MGLL: variants seen among roughly 807,000 people sequenced by gnomAD.
The protein encoded by MGLL is lysophospholipase homolog.
Under a neutral mutation model 29.1 loss-of-function variants are expected in MGLL, and 7 were observed. The ratio of observed to expected loss-of-function variants is 0.24; its 90% CI spans 0.14 to 0.45. The LOEUF (loss-of-function observed/expected upper bound fraction) is 0.45. MGLL is among the 20% of genes least tolerant of loss of function. The probability of loss-of-function intolerance (pLI) is 0.99; values close to 1 mark genes in which losing one functional copy is unlikely to be tolerated. For missense variants in MGLL, 356 were observed against 413.6 expected, an observed-to-expected ratio of 0.86 and a Z score of 1.21; for synonymous variants, 148 against 168.3, an observed-to-expected ratio of 0.88 and a Z score of 0.93.
intron 3 of MGLL, among the ~76,000 whole-genome samples, chr3:127,744,163 C>T (rs974365177): frequency 1.3e-5 from 2 of 152,044 alleles, no homozygotes; most frequent in Non-Finnish European, 2.9e-5. Context: ...ATAATGTAAC[C>T]AACTAAAAGG....
chr3:127,739,249 T>C (rs1329707775), intron 3 of MGLL, among the ~76,000 whole-genome samples: 1 of 152,154 alleles, frequency 6.6e-6, no homozygotes, highest in African/African-American at 2.4e-5. Flanking sequence ...TTCAACTTCT[T>C]TGAGGCTCAG....
chr3:127,790,300 G>A (rs2077278630), intron 2 of MGLL, among the ~76,000 whole-genome samples: 1 of 152,218 alleles, frequency 6.6e-6, no homozygotes. Context: ...CAACCCACAT[G>A]AGCTAACATT....
At chr3:127,704,057 T>G (rs2075550668) in intron 6 of MGLL, among the ~76,000 whole-genome samples, 1 of 152,150 alleles carries the variant, frequency 6.6e-6, no homozygotes, top group Non-Finnish European at 1.5e-5. Context: ...AGAATGGAGA[T>G]CTCAGAAATA....
intron 5 of MGLL, 126 bp downstream of exon 5, chr3:127,720,927 C>T (rs2075906045): frequency 1.2e-6 from 1 of 812,606 alleles, no homozygotes; most frequent in Non-Finnish European, 2.1e-6. Context: ...TTGTCCAACC[C>T]CTCACGCAAT....
chr3:127,728,391 A>G (rs930756054), intron 3 of MGLL, among the ~76,000 whole-genome samples: 1 of 152,012 alleles, frequency 6.6e-6, no homozygotes, highest in African/African-American at 2.4e-5. Context: ...TTATCCATCC[A>G]CCCATCTATT....
intron 3 of MGLL, among the ~76,000 whole-genome samples, chr3:127,746,266 CA>C (rs1322530468): frequency 4.6e-5 from 7 of 152,276 alleles, no homozygotes; most frequent in Non-Finnish European, 8.8e-5. Flanking sequence ...TCTAACATGG[CA>C]GCTCTGCACA....
intron 3 of MGLL, among the ~76,000 whole-genome samples, chr3:127,773,744 T>C (rs1332415942): frequency 6.6e-6 from 1 of 152,176 alleles, no homozygotes; most frequent in African/African-American, 2.4e-5. Context: ...GAGATGTCGT[T>C]ACAAGGAGAC....
intron 2 of MGLL, among the ~76,000 whole-genome samples, chr3:127,787,049 A>C (rs890554931): frequency 2.0e-5 from 3 of 152,178 alleles, no homozygotes; most frequent in African/African-American, 7.2e-5. Flanking sequence ...TGTGTGTGCA[A>C]GTGCACTGAG....
At position 127,788,615 on chromosome 3, in the gene MGLL, C is replaced by G. The variant is rs141411703; in HGVS notation, c.156-6720G>C. On this transcript the variant is annotated intron_variant, in intron 2 of 7. Transcript: ENST00000265052. The stretch of plus-strand genomic sequence containing the variant: ...AAAGACGTGTGGTTCCTCCACACCC[C>G]CTCTGTCTATGACCCCATGATTGGG... Among the ~76,000 whole-genome samples, 1,322 of 152,256 alleles carry G rather than the reference C, an allele frequency of 8.7e-3. 19 individuals are homozygous for G. The highest frequency in any genetic ancestry group is 0.03 in the African/African-American group (1,229 of 41,542).
At chr3:127,701,481 A>G (rs1361714566) in intron 6 of MGLL, among the ~76,000 whole-genome samples, 1 of 152,138 alleles carries the variant, frequency 6.6e-6, no homozygotes. Context: ...ACAGATCTGT[A>G]CCTGTCTCCC....
Position 127,722,578 on chromosome 3 carries a change from C to G in MGLL, c.263-12G>C. 1 of 1,614,232 alleles carries G rather than the reference C, an allele frequency of 6.2e-7. No individual in the cohort carries two copies. Among genetic ancestry groups the G allele is most frequent in the Non-Finnish European group, 8.5e-7 (1 of 1,180,048 alleles). ...CTGTCCGTGGCCAACTGGAAAGGAA[C>G]GGGAGATGAGAGAGAGCTGCAGTTA... On this transcript the variant is annotated splice_polypyrimidine_tract_variant and intron_variant, in intron 3 of 7. Coordinates refer to ENST00000265052, the MANE Select transcript of MGLL (RefSeq NM_007283.7).
intron 2 of MGLL, among the ~76,000 whole-genome samples, chr3:127,791,494 G>C (rs2077299673): frequency 6.6e-6 from 1 of 152,304 alleles, no homozygotes; most frequent in Admixed American, 6.5e-5. Context: ...GCATCTCTAA[G>C]ATCCCCCTAC....
chr3:127,748,808 C>A (rs1364736398), intron 3 of MGLL, among the ~76,000 whole-genome samples: 3 of 152,176 alleles, frequency 2.0e-5, no homozygotes, highest in Non-Finnish European at 2.9e-5. Flanking sequence ...ATACACATAG[C>A]ATCTTTTCAT....
intron 2 of MGLL, among the ~76,000 whole-genome samples, chr3:127,790,898 T>A (rs879355221): frequency 1.7e-4 from 26 of 152,014 alleles, no homozygotes; most frequent in African/African-American, 6.3e-4. Context: ...ATCCCACGAG[T>A]TCCCCCGTGG....
chr3:127,784,555 G>T (rs1214890871), intron 2 of MGLL, among the ~76,000 whole-genome samples: 1 of 152,118 alleles, frequency 6.6e-6, no homozygotes, highest in Non-Finnish European at 1.5e-5. Flanking sequence ...TGCAGGCGGT[G>T]GGGGTCACTG....
intron 2 of MGLL, among the ~76,000 whole-genome samples, chr3:127,787,998 C>T (rs1010979529): frequency 2.3e-4 from 35 of 152,168 alleles, no homozygotes; most frequent in African/African-American, 8.4e-4. Context: ...CTGTCTCTGG[C>T]AGGGCTCCTG....
chr3:127,809,964 T>A (rs911849942), intron 2 of MGLL, among the ~76,000 whole-genome samples: 1 of 152,178 alleles, frequency 6.6e-6, no homozygotes, highest in Non-Finnish European at 1.5e-5. Flanking sequence ...TTTAGCCACA[T>A]AAAACCTTTG....
chr3:127,756,932 A>C (rs2076676064), intron 3 of MGLL, among the ~76,000 whole-genome samples: 1 of 152,168 alleles, frequency 6.6e-6, no homozygotes, highest in Admixed American at 6.5e-5. Flanking sequence ...TCCTCCATCC[A>C]TGTTTCTTGC....
At chr3:127,715,859 A>G (rs1239441252) in intron 5 of MGLL, 1 of 454,898 alleles carries the variant, frequency 2.2e-6, no homozygotes, top group Admixed American at 2.4e-5. Flanking sequence ...TCACCCAAAA[A>G]GGACGTGGAA....
Sources: allele counts gnomAD v4.1 joint callset (sites outside exome capture counted in the v4.1 genomes callset), GRCh38; gene constraint gnomAD v4.1.1; transcripts MANE v1.5; gene names NCBI Gene and HGNC (gene_info 2026-07-23, HGNC 2026-07-21).